The following ACAD9 variants were observed in gnomAD, a reference collection of about 807,000 sequenced individuals.
ACAD9 encodes the protein acyl-CoA dehydrogenase family member 9.
In ACAD9, 53 loss-of-function variants were observed where a neutral mutation model predicts 70.2. That is an observed-to-expected ratio of 0.75 (90% CI 0.61 to 0.95). The LOEUF (loss-of-function observed/expected upper bound fraction) is 0.95. Among genes scored for constraint, ACAD9 ranks in the 40% least tolerant of loss-of-function variants. The probability of loss-of-function intolerance (pLI) is 0.00; values close to 1 mark genes in which losing one functional copy is unlikely to be tolerated. For synonymous variants in ACAD9, 313 were observed against 312.1 expected (o/e 1.00, Z -0.03); for missense variants, 777 against 802.8 (o/e 0.97, Z 0.39).
chr3:128,900,774 C>T (rs1414136329), intron 7 of ACAD9, among the ~76,000 whole-genome samples: 1 of 152,006 alleles, frequency 6.6e-6, no homozygotes, highest in African/African-American at 2.4e-5. Flanking sequence ...GAGGTCCATC[C>T]CTCCTCACAG....
At chr3:128,888,241 T>C (rs1366974908) in intron 2 of ACAD9, among the ~76,000 whole-genome samples, 2 of 152,192 alleles carry the variant, frequency 1.3e-5, no homozygotes, top group East Asian at 1.9e-4. Context: ...TGCGCCCCAC[T>C]GTACAGTCTT....
chr3:128,901,247 G>A (rs758828379), intron 7 of ACAD9, 29 bp from the exon 8 acceptor site: 2 of 1,609,420 alleles, frequency 1.2e-6, no homozygotes, highest in South Asian at 2.2e-5. Context: ...TGCATTGTCA[G>A]ATGATATCTT....
chr3:128,897,054 C>A (rs543261484), intron 5 of ACAD9, among the ~76,000 whole-genome samples: 1 of 152,330 alleles, frequency 6.6e-6, no homozygotes, highest in East Asian at 1.9e-4. Context: ...CACAGGACCT[C>A]AGATGAGCCC....
At chr3:128,908,874 A>AG in intron 13 of ACAD9, 99 bp from the exon 14 acceptor site, 3 of 1,589,982 alleles carry the variant, frequency 1.9e-6, no homozygotes, top group East Asian at 4.5e-5. Flanking sequence ...CCCAGGCCAG[A>AG]GGGGGGCACG....
intron 2 of ACAD9, among the ~76,000 whole-genome samples, chr3:128,890,576 C>T (rs1935390209): frequency 6.6e-6 from 1 of 151,778 alleles, no homozygotes; most frequent in Non-Finnish European, 1.5e-5. Context: ...GTGGCAGGTG[C>T]CTGTAGTCCC....
intron 13 of ACAD9, 56 bp from the exon 14 acceptor site, chr3:128,908,917 G>C (rs1410370130): frequency 6.2e-7 from 1 of 1,613,274 alleles, no homozygotes; most frequent in African/African-American, 1.3e-5. Flanking sequence ...CCATGTTGCT[G>C]GACAGTGAGC....
At position 128,904,076 on chromosome 3, in the gene ACAD9, T is replaced by G. The variant is rs1441600969; in HGVS notation, c.973T>G (p.Tyr325Asp). 2 of 1,614,204 alleles carry G rather than the reference T, an allele frequency of 1.2e-6. No homozygotes were observed. The highest frequency in any genetic ancestry group is 2.7e-5 in the African/African-American group (2 of 75,056). Reference sequence around the variant, plus strand: ...CTCTTCCTCAGAAATGACTGCTGAGTACGCCTGCACAAGGAAACAGTTTAA... The same window carrying G: ...CTCTTCCTCAGAAATGACTGCTGAGGACGCCTGCACAAGGAAACAGTTTAA... The part of the protein sequence containing the change: ...LKRLIEMTAE[Y>D]ACTRKQFNKR... Residue 325 changes from tyrosine to aspartate, a missense_variant, in exon 10 of 18, where the codon TAC (tyrosine) becomes GAC (aspartate). Tyr to Asp is a radical substitution (Grantham distance 160). Transcript: ENST00000308982.
chr3:128,908,123 G>A lies in ACAD9; in HGVS notation c.1279-62G>A, dbSNP rs369592993. ...CAGTGGCCGGCTCTACCCAGCACACGTGGCACTACCATGGCTGCCTGGCCG... is the reference window on the plus strand; with the variant it reads ...CAGTGGCCGGCTCTACCCAGCACACATGGCACTACCATGGCTGCCTGGCCG... On this transcript the variant is annotated intron_variant, in intron 12 of 17. Transcript: ENST00000308982. 40 of 1,512,436 alleles carry A rather than the reference G, an allele frequency of 2.6e-5. No individual in the cohort carries two copies. The Middle Eastern group carries it at 5.1e-4, about 19-fold the overall frequency. The allele number at this position is 1,512,436 out of a possible 1,614,324, so 93.7% of individuals were successfully genotyped here.
chr3:128,909,262 C>T, intron 14 of ACAD9, 82 bp from the exon 15 acceptor site: 3 of 1,599,988 alleles, frequency 1.9e-6, no homozygotes, highest in Non-Finnish European at 2.6e-6. Flanking sequence ...GATGGGGCAT[C>T]TCTGCCTGGT....
At position 128,906,387 on chromosome 3, in the gene ACAD9, AC is replaced by A. The variant is rs1559829331; in HGVS notation, c.1278+139del. On this transcript the variant is annotated intron_variant, in intron 12 of 17. Coordinates refer to ENST00000308982, the MANE Select transcript of ACAD9 (RefSeq NM_014049.5). ...TCTCAGGGGCTCTCCTAGCCCTGGC[AC>A]GTCTCCTTCCCGACTGCTGCCCTCC... The A allele has an allele frequency of 4.5e-6, 6 of 1,346,860 alleles. No individual in the cohort carries two copies. In the East Asian group the frequency reaches 1.4e-4, roughly 32 times the overall value. The allele number at this position is 1,346,860 out of a possible 1,614,324, so 83.4% of individuals were successfully genotyped here.
chr3:128,891,018 T>A (rs1338360683), intron 2 of ACAD9, among the ~76,000 whole-genome samples: 1 of 151,890 alleles, frequency 6.6e-6, no homozygotes, highest in African/African-American at 2.4e-5. Flanking sequence ...ATTTTTATAT[T>A]TTTTTAGTAG....
chr3:128,912,657 T>C lies in ACAD9; in HGVS notation c.*50T>C. The C allele has an allele frequency of 6.9e-7, 1 of 1,458,460 alleles. No homozygotes were observed. The highest frequency in any genetic ancestry group is 2.3e-5 in the East Asian group (1 of 44,108). 90.3% of individuals were successfully genotyped at this position (1,458,460 alleles called of 1,614,324 possible). A position where few individuals can be genotyped will look rare whatever the true frequency, so the allele number is the denominator to read the frequency against. ...CCGCCCGCCCCTACCCATGGCCCGTTGCTGGATGACTGTTACTCTTTTTTC... is the reference window on the plus strand; with the variant it reads ...CCGCCCGCCCCTACCCATGGCCCGTCGCTGGATGACTGTTACTCTTTTTTC... On this transcript the variant is annotated 3_prime_UTR_variant, in exon 18 of 18. Transcript: ENST00000308982.
Position 128,895,338 on chromosome 3 carries a change from C to T in ACAD9, c.375C>T (p.Tyr125=), listed in dbSNP as rs760973317. The T allele has an allele frequency of 2.7e-5, 43 of 1,612,694 alleles. No individual in the cohort carries two copies. Among genetic ancestry groups the T allele is most frequent in the Admixed American group, 3.3e-5 (2 of 59,844 alleles). The change falls in exon 4 of 18, where the codon TAC becomes TAT. Residue 125 remains tyrosine (Y), a synonymous_variant. Transcript: ENST00000308982. ...YGGLGFSNTM[Y]SRLGEIISMD... is the part of the protein sequence containing the mutation. ...GCCTGGGCTTCTCCAACACCATGTA[C>T]TCAAGACTAGGGGAGATCATCAGCA... is the stretch of plus-strand genomic sequence containing the variant.
At chr3:128,901,194 G>A (rs1378654454) in intron 7 of ACAD9, 82 bp from the exon 8 acceptor site, 1 of 1,257,030 alleles carries the variant, frequency 8.0e-7, no homozygotes, top group Non-Finnish European at 1.2e-6. Context: ...ATGGATGGAT[G>A]GATGGATGAA....
chr3:128,894,899 CAG>C (rs1296009457), intron 3 of ACAD9, among the ~76,000 whole-genome samples: 2 of 119,852 alleles, frequency 1.7e-5, no homozygotes, highest in Non-Finnish European at 3.2e-5. Context: ...TTTTTTGAGA[CAG>C]AGTCTCTCTC....
chr3:128,903,547 G>A (rs984661653), intron 9 of ACAD9, among the ~76,000 whole-genome samples: 3 of 152,132 alleles, frequency 2.0e-5, no homozygotes, highest in African/African-American at 4.8e-5. Flanking sequence ...TGGGAGAGGC[G>A]CCATGTCACT....
chr3:128,901,241 T>C, intron 7 of ACAD9, 35 bp from the exon 8 acceptor site: 1 of 1,602,510 alleles, frequency 6.2e-7, no homozygotes, highest in Non-Finnish European at 8.6e-7. Flanking sequence ...GTGGTTTGCA[T>C]TGTCAGATGA....
intron 5 of ACAD9, 126 bp downstream of exon 5, chr3:128,896,662 C>T (rs1018737676): frequency 3.4e-6 from 3 of 878,976 alleles, no homozygotes; most frequent in Middle Eastern, 6.4e-4. Flanking sequence ...TGCAAAGAAT[C>T]AACTCAGCAA....
At chr3:128,882,721 A>G (rs1935128619) in intron 1 of ACAD9, among the ~76,000 whole-genome samples, 1 of 152,138 alleles carries the variant, frequency 6.6e-6, no homozygotes, top group Non-Finnish European at 1.5e-5. Flanking sequence ...TGTCTGTTTT[A>G]CATATTTGGT....
Sources: gnomAD v4.1 joint callset for allele counts (sites outside exome capture counted in the v4.1 genomes callset) on GRCh38, gnomAD v4.1.1 for gene constraint, MANE v1.5 for transcripts, NCBI Gene and HGNC (gene_info 2026-07-23, HGNC 2026-07-21) for gene names.